SCARF2: variants seen among roughly 807,000 people sequenced by gnomAD.
SCARF2 encodes scavenger receptor expressed by endothelial cells 2 protein.
Under a neutral mutation model 73.4 loss-of-function variants are expected in SCARF2, and 39 were observed. The ratio of observed to expected loss-of-function variants is 0.53; its 90% confidence interval spans 0.41 to 0.69. The LOEUF (loss-of-function observed/expected upper bound fraction) is 0.69. Among genes scored for constraint, SCARF2 ranks in the 30% least tolerant of loss-of-function variants. The pLI is 0.00. For missense variants in SCARF2, 1,148 were observed against 1,303.5 expected, an observed-to-expected ratio of 0.88 and a Z score of 1.84; for synonymous variants, 605 against 590.0, an observed-to-expected ratio of 1.03 and a Z score of -0.37.
intron 1 of SCARF2, among the ~76,000 whole-genome samples, chr22:20,433,282 C>T (rs373547095): frequency 1.3e-5 from 2 of 152,114 alleles, no homozygotes; most frequent in Admixed American, 6.5e-5. Flanking sequence ...GGTTCCCAGC[C>T]GACCCAGAAC....
intron 1 of SCARF2, among the ~76,000 whole-genome samples, chr22:20,432,274 G>A (rs2052658242): frequency 6.6e-6 from 1 of 152,168 alleles, no homozygotes; most frequent in African/African-American, 2.4e-5. Context: ...TGGCCTTGGA[G>A]TCCCAGGAAG....
At chr22:20,428,134 G>A (rs2052600186) in intron 9 of SCARF2, among the ~76,000 whole-genome samples, 1 of 152,178 alleles carries the variant, frequency 6.6e-6, no homozygotes, top group Non-Finnish European at 1.5e-5. Context: ...CAGATGCCAT[G>A]CTGCTAGGTG....
chr22:20,425,957 G>A lies in SCARF2; in HGVS notation c.2019C>T (p.Ser673=). 1 of 1,594,238 alleles carries A rather than the reference G, an allele frequency of 6.3e-7. No individual in the cohort carries two copies. The highest frequency in any genetic ancestry group is 1.4e-5 in the African/African-American group (1 of 73,114). ...AGGGCGCACGGCCAGCTGCAGCGGC[G>A]CTGTGCTTGCCGTGGATCCAGGACA... The part of the protein sequence containing the change: ...PKVSWIHGKH[S]AAAAGRAPSP... The change falls in exon 11 of 11, where the codon AGC becomes AGT. Residue 673 remains serine (S), a synonymous_variant. Coordinates refer to ENST00000622235, the MANE Select transcript of SCARF2 (RefSeq NM_182895.5). The surrounding 1 kb of genome is among the most constrained non-coding windows in gnomAD (Gnocchi z 4.6).
At chr22:20,436,435 C>A (rs1316608098) in intron 1 of SCARF2, among the ~76,000 whole-genome samples, 1 of 151,822 alleles carries the variant, frequency 6.6e-6, no homozygotes, top group Non-Finnish European at 1.5e-5. Context: ...GCCCGGGAGT[C>A]CGCGGCGGCG....
At chr22:20,433,741 T>C (rs1361616808) in intron 1 of SCARF2, among the ~76,000 whole-genome samples, 1 of 152,252 alleles carries the variant, frequency 6.6e-6, no homozygotes, top group Non-Finnish European at 1.5e-5. Flanking sequence ...TGGCTTTTCC[T>C]GGCCCCTGCC....
At chr22:20,428,590 C>T (rs946509241) in intron 9 of SCARF2, among the ~76,000 whole-genome samples, 5 of 152,210 alleles carry the variant, frequency 3.3e-5, no homozygotes, top group Non-Finnish European at 2.9e-5. Flanking sequence ...AGGCATGAGC[C>T]ACCATGCCCG....
chr22:20,437,215 C>G (rs2052710094), intron 1 of SCARF2, among the ~76,000 whole-genome samples: 1 of 152,248 alleles, frequency 6.6e-6, no homozygotes, highest in Admixed American at 6.5e-5. Flanking sequence ...TAGTGCGGGG[C>G]TTTAGCACAT....
intron 1 of SCARF2, among the ~76,000 whole-genome samples, chr22:20,437,163 C>T (rs1450518311): frequency 6.6e-6 from 1 of 152,246 alleles, no homozygotes; most frequent in East Asian, 1.9e-4. Context: ...CTCCTCCTCC[C>T]CTGACCTTCC....
chr22:20,433,587 CCCT>C (rs1241985224), intron 1 of SCARF2, among the ~76,000 whole-genome samples: 1 of 152,212 alleles, frequency 6.6e-6, no homozygotes, highest in Non-Finnish European at 1.5e-5. Flanking sequence ...GCCTCGAGGC[CCCT>C]CCTCCTGAAC....
chr22:20,432,210 A>G (rs1259897382), intron 1 of SCARF2, among the ~76,000 whole-genome samples: 1 of 152,068 alleles, frequency 6.6e-6, no homozygotes, highest in African/African-American at 2.4e-5. Flanking sequence ...CACCCACCCC[A>G]TCTCACCTAA....
intron 1 of SCARF2, among the ~76,000 whole-genome samples, chr22:20,432,616 G>A (rs1028904714): frequency 6.6e-6 from 1 of 152,214 alleles, no homozygotes; most frequent in Non-Finnish European, 1.5e-5. Flanking sequence ...TAGGGAAGGA[G>A]CAGGCACATG....
rs750173602 is a variant in SCARF2, at chr22:20,429,555, C to T, written c.1405G>A (p.Gly469Ser). The T allele has an allele frequency of 1.9e-6, 3 of 1,612,892 alleles. No homozygotes were observed. Among genetic ancestry groups the T allele is most frequent in the African/African-American group, 1.3e-5 (1 of 74,920 alleles). ...GCTCACCGGCGCGTAGGGTCCTTGC[C>T]GCGGCAAGCGCAGCAGCAGCCGAGC... ...SLLGCCCACR[G>S]KDPTRRELSL... is the part of the protein sequence containing the mutation. Residue 469 changes from glycine (G) to serine (S), a missense_variant, in exon 8 of 11, where the codon GGC becomes AGC. Gly to Ser is a moderately conservative substitution (Grantham distance 56). Coordinates refer to ENST00000622235, the MANE Select transcript of SCARF2 (RefSeq NM_182895.5). This position sits in a 1 kb window ranked among gnomAD's most constrained non-coding sequence, Gnocchi z 5.2.
chr22:20,427,283 C>A, intron 10 of SCARF2, 115 bp downstream of exon 10: 2 of 1,320,162 alleles, frequency 1.5e-6, no homozygotes, highest in Non-Finnish European at 1.1e-6. Flanking sequence ...ACCAGCATGG[C>A]CAAGGCCTTC....
chr22:20,436,148 A>T (rs1443525272), intron 1 of SCARF2, among the ~76,000 whole-genome samples: 1 of 152,222 alleles, frequency 6.6e-6, no homozygotes, highest in Non-Finnish European at 1.5e-5. Context: ...GCCCAGGTCC[A>T]CACAGCTGGG....
In SCARF2 at chr22:20,425,161, T is replaced by C; in HGVS notation, c.*214A>G. ...GAGGGAGTCGCCCGCTAAGCGCCTG[T>C]CAGGCCTCGACCAACGGGATGGGCC... On this transcript the variant is annotated 3_prime_UTR_variant, in exon 11 of 11. Coordinates refer to ENST00000622235, the MANE Select transcript of SCARF2 (RefSeq NM_182895.5). This position sits in a 1 kb window ranked among gnomAD's most constrained non-coding sequence, Gnocchi z 4.6. 1 of 407,586 alleles carries C rather than the reference T, an allele frequency of 2.5e-6. No homozygotes were observed. Among genetic ancestry groups the C allele is most frequent in the Non-Finnish European group, 4.2e-6 (1 of 235,390 alleles). The allele number at this position is 407,586 out of a possible 1,614,324, so 25.2% of individuals were successfully genotyped here.
intron 1 of SCARF2, among the ~76,000 whole-genome samples, chr22:20,436,951 C>G (rs1416674240): frequency 6.6e-6 from 1 of 152,202 alleles, no homozygotes; most frequent in Non-Finnish European, 1.5e-5. Flanking sequence ...ACCCAGAATC[C>G]CCACCTGGTT....
Position 20,429,982 on chromosome 22 carries a change from G to A in SCARF2, c.1203-149C>T. On this transcript the variant is annotated intron_variant, in intron 6 of 10. Coordinates refer to ENST00000622235, the MANE Select transcript of SCARF2 (RefSeq NM_182895.5). The surrounding 1 kb of genome is among the most constrained non-coding windows in gnomAD (Gnocchi z 5.2). The stretch of plus-strand genomic sequence containing the variant: ...TTCGTCGTCTAGGGATTGAAGCCCC[G>A]CCCCGCCCGTGGCACATATTGGGTA... 1 of 752,402 alleles carries A rather than the reference G, an allele frequency of 1.3e-6. No individual in the cohort carries two copies. Among genetic ancestry groups the A allele is most frequent in the Non-Finnish European group, 2.2e-6 (1 of 460,390 alleles). 46.6% of individuals were successfully genotyped at this position (752,402 alleles called of 1,614,324 possible).
chr22:20,430,123 AG>A (rs2052625854), intron 6 of SCARF2, among the ~76,000 whole-genome samples: 1 of 152,100 alleles, frequency 6.6e-6, no homozygotes, highest in African/African-American at 2.4e-5. Flanking sequence ...AGGTGGGAAG[AG>A]GGGCTGCTGA....
chr22:20,437,687 G>A lies in SCARF2; in HGVS notation c.68C>T (p.Pro23Leu), dbSNP rs768621399. 4 of 1,480,236 alleles carry A rather than the reference G, an allele frequency of 2.7e-6. No individual in the cohort carries two copies. Among genetic ancestry groups the A allele is most frequent in the South Asian group, 2.5e-5 (2 of 78,576 alleles). 91.7% of individuals were successfully genotyped at this position (1,480,236 alleles called of 1,614,324 possible). Residue 23 changes from proline (P) to leucine (L), a missense_variant, in exon 1 of 11, where the codon CCG becomes CTG. Physicochemically the swap from Pro to Leu is moderately conservative, Grantham distance 98. Transcript: ENST00000622235. ...RRRGAGGPPS[P>L]LLPSLLLLLL... The stretch of plus-strand genomic sequence containing the variant: ...CAGCAGCAGCAGCGACGGCAGCAGC[G>A]GTGACGGCGGCCCCCCGGCTCCCCG...
Sources: gnomAD v4.1 joint callset for allele counts (sites outside exome capture counted in the v4.1 genomes callset) on GRCh38, gnomAD v4.1.1 for gene constraint, Gnocchi (gnomAD v3.1) non-coding constraint, MANE v1.5 for transcripts, NCBI Gene and HGNC (gene_info 2026-07-23, HGNC 2026-07-21) for gene names.